Variants in NCOR2 observed in about 807,000 individuals in gnomAD.
The protein encoded by NCOR2 is CTG repeat protein 26.
In NCOR2, 81 loss-of-function variants were observed where a neutral mutation model predicts 262.9. The ratio of observed to expected loss-of-function variants is 0.31; its 90% confidence interval spans 0.26 to 0.37. NCOR2 has a LOEUF of 0.37. NCOR2 is among the 10% of genes least tolerant of loss of function. NCOR2 has a pLI of 1.00. For missense variants in NCOR2, 3,385 were observed against 3,621.4 expected (o/e 0.93, Z 1.68); for synonymous variants, 1,659 against 1,559.3 (o/e 1.06, Z -1.51).
intron 7 of NCOR2, among the ~76,000 whole-genome samples, chr12:124,441,442 TGGA>T: frequency 6.6e-6 from 1 of 152,174 alleles, no homozygotes; most frequent in East Asian, 1.9e-4. Flanking sequence ...CATCAATACA[TGGA>T]GGAGAAGGGA....
chr12:124,457,034 T>TC lies in NCOR2; in HGVS notation c.762+71dup. ...GATGACTTCCTCCTCCGCCGCACCCTCCCGCCTCCCTGCCCACCTCTCCAG... is the reference window on the plus strand; with the variant it reads ...GATGACTTCCTCCTCCGCCGCACCCTCCCCGCCTCCCTGCCCACCTCTCCAG... On this transcript the variant is annotated intron_variant, in intron 6 of 46. Transcript: ENST00000405201. This position sits in a 1 kb window ranked among gnomAD's most constrained non-coding sequence, Gnocchi z 4.0. 1 of 826,072 alleles carries TC rather than the reference T, an allele frequency of 1.2e-6. No homozygotes were observed. The highest frequency in any genetic ancestry group is 1.8e-6 in the Non-Finnish European group (1 of 561,574). The allele number at this position is 826,072 out of a possible 1,614,324, so 51.2% of individuals were successfully genotyped here.
chr12:124,384,823 A>C (rs1047365020), intron 17 of NCOR2, among the ~76,000 whole-genome samples: 1 of 149,736 alleles, frequency 6.7e-6, no homozygotes, highest in Non-Finnish European at 1.5e-5. Context: ...CGGGGGGAGG[A>C]GTAGTCCTGG....
chr12:124,347,828 G>C (rs931860635), exon 30 of NCOR2: 16 of 1,563,440 alleles, frequency 1.0e-5, no homozygotes, highest in Non-Finnish European at 1.4e-5. Flanking sequence ...GCAGTACCTT[G>C]TGTGATGGAC....
chr12:124,368,883 A>G (rs550525113), intron 20 of NCOR2, among the ~76,000 whole-genome samples: 13 of 152,374 alleles, frequency 8.5e-5, no homozygotes, highest in Non-Finnish European at 1.6e-4. Context: ...CGCCTGGCGC[A>G]TGCTGGTGCC....
At chr12:124,418,651 CTGGGCTTGACACAAAG>C (rs2043039990) in intron 13 of NCOR2, among the ~76,000 whole-genome samples, 1 of 152,158 alleles carries the variant, frequency 6.6e-6, no homozygotes, top group Non-Finnish European at 1.5e-5. Flanking sequence ...TGCTCCGGGC[CTGGGCTTGACACAAAG>C]TGGGCTTTAG....
At chr12:124,340,711 G>A (rs756936117) in exon 35 of NCOR2, 38 of 1,544,090 alleles carry the variant, frequency 2.5e-5, no homozygotes, top group Middle Eastern at 1.7e-4. Context: ...TCGGGGGCAC[G>A]AGCACAGGCA....
At chr12:124,522,459 T>C (rs1302917952) in intron 1 of NCOR2, among the ~76,000 whole-genome samples, 1 of 152,180 alleles carries the variant, frequency 6.6e-6, no homozygotes, top group Non-Finnish European at 1.5e-5. Flanking sequence ...TCCCAGTGGC[T>C]CCTGGCGTTC....
chr12:124,529,559 A>C (rs2050676867), intron 1 of NCOR2, among the ~76,000 whole-genome samples: 1 of 152,268 alleles, frequency 6.6e-6, no homozygotes, highest in Non-Finnish European at 1.5e-5. Flanking sequence ...CCGGCACTGC[A>C]CTGTGGTCTC....
intron 41 of NCOR2, among the ~76,000 whole-genome samples, chr12:124,333,891 TGTGTGC>T: frequency 7.0e-6 from 1 of 143,754 alleles, no homozygotes; most frequent in Non-Finnish European, 1.5e-5. Context: ...TGTGCATGTG[TGTGTGC>T]GCGCGCATGT....
intron 17 of NCOR2, among the ~76,000 whole-genome samples, chr12:124,381,634 C>A (rs528633779): frequency 6.6e-6 from 1 of 152,254 alleles, no homozygotes; most frequent in African/African-American, 2.4e-5. Flanking sequence ...CAAGACCACA[C>A]AGCTCATGAG....
At chr12:124,385,088 G>A (rs1244328445) in intron 17 of NCOR2, among the ~76,000 whole-genome samples, 1 of 152,100 alleles carries the variant, frequency 6.6e-6, no homozygotes, top group Non-Finnish European at 1.5e-5. Context: ...GGCAGCAGAG[G>A]TCTCCCCAAA....
At chr12:124,371,567 C>T (rs1012602248) in intron 20 of NCOR2, among the ~76,000 whole-genome samples, 2 of 152,194 alleles carry the variant, frequency 1.3e-5, no homozygotes, top group Non-Finnish European at 2.9e-5. Flanking sequence ...CCAGCAATCA[C>T]GACCGCCAGC....
At chr12:124,399,338 C>T (rs3782262) in intron 15 of NCOR2, among the ~76,000 whole-genome samples, 16,729 of 152,176 alleles carry the variant, frequency 0.11, 1,207 homozygotes, top group East Asian at 0.2. Context: ...ACATGGAAGG[C>T]CTAGGAGTGT....
rs761892157 is a variant in NCOR2 at position 124,334,509 on chromosome 12, G to A, written c.6520C>T (p.Arg2174Cys). 22 of 1,445,106 alleles carry A rather than the reference G, an allele frequency of 1.5e-5. No individual in the cohort carries two copies. The highest frequency in any genetic ancestry group is 5.7e-5 in the Admixed American group (2 of 34,998). The allele number at this position is 1,445,106 out of a possible 1,614,324, so 89.5% of individuals were successfully genotyped here. Residue 2174 changes from arginine (R) to cysteine (C), a missense_variant, in exon 41 of 47, where the codon CGC becomes TGC. Transcript: ENST00000405201. ...AGGTAGAGGTCACTGGGTGGGCGGC[G>A]GAGGTCCAGGACGGGGCAGCTGGCC...
At chr12:124,540,454 G>A (rs1168361541), upstream of NCOR2, among the ~76,000 whole-genome samples, 1 of 66,280 alleles carries the variant, frequency 1.5e-5, no homozygotes, top group Non-Finnish European at 3.0e-5. Context: ...GCTGGAGGGG[G>A]ATGGAGGTGG....
chr12:124,342,446 T>C (rs1392095560), intron 33 of NCOR2, among the ~76,000 whole-genome samples: 3 of 152,178 alleles, frequency 2.0e-5, no homozygotes, highest in African/African-American at 7.2e-5. Context: ...CTTGGCTCAC[T>C]GCAAGCTCCG....
At position 124,346,867 on chromosome 12, in the gene NCOR2, A is replaced by G. The variant is rs756937682; in HGVS notation, c.4073-17T>C. ...GAGGGATCCCTGCCGGGCCGACAGC[A>G]CTGACCCTCACGCCCCGCCCCACCC... On this transcript the variant is annotated splice_polypyrimidine_tract_variant and intron_variant, in intron 30 of 46. Transcript: ENST00000405201. The G allele has an allele frequency of 3.9e-6, 6 of 1,534,144 alleles. No homozygotes were observed. In the East Asian group the frequency reaches 1.2e-4, roughly 30 times the overall value.
chr12:124,409,731 A>G (rs2136235201), intron 13 of NCOR2, among the ~76,000 whole-genome samples: 1 of 152,070 alleles, frequency 6.6e-6, no homozygotes, highest in Admixed American at 6.5e-5. Context: ...GCTGAGGTGC[A>G]CAGTGGCATG....
At position 124,519,240 on chromosome 12, in the gene NCOR2, C is replaced by T. The variant is rs1432569061; in HGVS notation, c.-118+16325G>A. ...CTTCTCTGGGTGTCAACTTTCCATC[C>T]GTAGAAGGGGCAGGCTGAGCTCTGC... is the stretch of plus-strand genomic sequence containing the variant. On this transcript the variant is annotated intron_variant, in intron 1 of 46. Coordinates refer to the NCOR2 transcript ENST00000404621. Among the ~76,000 whole-genome samples the T allele has an allele frequency of 3.3e-5, 5 of 152,174 alleles. No individual in the cohort carries two copies. The East Asian group carries it at 5.8e-4, about 18-fold the overall frequency.
Sources: allele counts gnomAD v4.1 joint callset (sites outside exome capture counted in the v4.1 genomes callset), GRCh38; gene constraint gnomAD v4.1.1; non-coding constraint Gnocchi (gnomAD v3.1); transcripts MANE v1.5; gene names NCBI Gene and HGNC (gene_info 2026-07-23, HGNC 2026-07-21).